VWA1: variants seen among roughly 807,000 people sequenced by gnomAD.
The protein encoded by VWA1 is von Willebrand factor A domain-containing protein 1.
Under a neutral mutation model 14.9 loss-of-function variants are expected in VWA1, and 12 were observed. The observed-to-expected ratio is 0.80, with a 90% CI of 0.52 to 1.30. VWA1 has a LOEUF of 1.30. Ranked by LOEUF, VWA1 falls within the 50% of genes most tolerant of loss-of-function variation. VWA1 has a pLI of 0.00. For missense variants in VWA1, 800 were observed against 649.1 expected, an observed-to-expected ratio of 1.23 and a Z score of -2.53; for synonymous variants, 368 against 310.7, an observed-to-expected ratio of 1.18 and a Z score of -1.94.
intron 2 of VWA1, 51 bp from the exon 3 acceptor site, chr1:1,439,030 C>A: frequency 6.4e-7 from 1 of 1,554,046 alleles, no homozygotes; most frequent in South Asian, 1.2e-5. Context: ...CGCCCTCCAG[C>A]AGCGGAGGAG....
Position 1,439,354 on chromosome 1 carries a change from G to A in VWA1, c.905G>A (p.Arg302Gln), listed in dbSNP as rs772827125. Residue 302 changes from arginine (R) to glutamine (Q), a missense_variant, in exon 3 of 3, where the codon CGG becomes CAG. Physicochemically the swap from Arg to Gln is conservative, Grantham distance 43. Transcript: ENST00000476993. ...LRPQILRVRT[R>Q]PGEAGPGASG... is the part of the protein sequence containing the mutation. ...CCCCAGATCCTGCGGGTGCGCACGCGGCCCGGTGAGGCAGGGCCGGGGGCT... is the reference window on the plus strand; with the variant it reads ...CCCCAGATCCTGCGGGTGCGCACGCAGCCCGGTGAGGCAGGGCCGGGGGCT... The A allele has an allele frequency of 1.8e-5, 28 of 1,546,232 alleles. No individual in the cohort carries two copies. In the East Asian group the frequency reaches 5.5e-4, roughly 31 times the overall value.
Position 1,439,301 on chromosome 1 carries a change from G to T in VWA1, c.852G>T (p.Val284=), listed in dbSNP as rs761239431. ...ACACGGACTACGACGTGGCGCTAGT[G>T]CCTGAGTCCAACGTGCGCCTCCTGA... ...DPDTDYDVAL[V]PESNVRLLRP... is the part of the protein sequence containing the mutation. The change falls in exon 3 of 3, where the codon GTG becomes GTT. Residue 284 remains valine, a synonymous_variant. Transcript: ENST00000476993. 6.3e-7 allele frequency: 1 copy of T among 1,597,406 alleles called. No homozygotes were observed. The highest frequency in any genetic ancestry group is 1.1e-5 in the South Asian group (1 of 89,452).
In VWA1 at chr1:1,439,279, C is replaced by T. The variant is rs1188764657; in HGVS notation, c.830C>T (p.Thr277Met). 1.2e-5 allele frequency: 20 copies of T among 1,603,680 alleles called. No homozygotes were observed. The highest frequency in any genetic ancestry group is 1.6e-5 in the Non-Finnish European group (19 of 1,177,682). The change falls in exon 3 of 3, where the codon ACG becomes ATG. Residue 277 changes from threonine to methionine, a missense_variant. By Grantham distance (81) the Thr-to-Met change is moderately conservative. Coordinates refer to ENST00000476993, the MANE Select transcript of VWA1 (RefSeq NM_022834.5). ...ATCTGGGCCGGCCTCGACCCGGACA[C>T]GGACTACGACGTGGCGCTAGTGCCT... Reference protein sequence around the residue: ...DWIWAGLDPDTDYDVALVPES... With the variant: ...DWIWAGLDPDMDYDVALVPES...
chr1:1,439,295 G>C lies in VWA1; in HGVS notation c.846G>C (p.Ala282=). The change falls in exon 3 of 3, where the codon GCG becomes GCC. Residue 282 remains alanine, a synonymous_variant. Coordinates refer to ENST00000476993, the MANE Select transcript of VWA1 (RefSeq NM_022834.5). ...GLDPDTDYDV[A]LVPESNVRLL... is the part of the protein sequence containing the mutation. ...ACCCGGACACGGACTACGACGTGGCGCTAGTGCCTGAGTCCAACGTGCGCC... is the reference window on the plus strand; with the variant it reads ...ACCCGGACACGGACTACGACGTGGCCCTAGTGCCTGAGTCCAACGTGCGCC... The C allele has an allele frequency of 1.9e-6, 3 of 1,598,524 alleles. No homozygotes were observed. The highest frequency in any genetic ancestry group is 2.6e-6 in the Non-Finnish European group (3 of 1,176,134).
Position 1,441,463 on chromosome 1 carries a change from G to C in VWA1, c.*1676G>C, listed in dbSNP as rs1237901632. The C allele has an allele frequency of 6.5e-6, 1 of 152,800 alleles. No individual in the cohort carries two copies. Among genetic ancestry groups the C allele is most frequent in the Non-Finnish European group, 1.5e-5 (1 of 68,568 alleles). 9.5% of individuals were successfully genotyped at this position (152,800 alleles called of 1,614,324 possible). Reference sequence around the variant, plus strand: ...GGGGGGCCCTGCTGGCTGGACTTTGGGTTTCTCCTGAGCTCCCCTTAGCCC... The same window carrying C: ...GGGGGGCCCTGCTGGCTGGACTTTGCGTTTCTCCTGAGCTCCCCTTAGCCC... On this transcript the variant is annotated 3_prime_UTR_variant, in exon 3 of 3. Transcript: ENST00000476993.
At position 1,440,032 on chromosome 1, in the gene VWA1, C is replaced by T. The variant is rs528168094; in HGVS notation, c.*245C>T. The stretch of plus-strand genomic sequence containing the variant: ...CCCCGGCCCCATCCCCGCCCAGAGC[C>T]GGGCGTCGTGTGGGTCCGTGGGTGA... On this transcript the variant is annotated 3_prime_UTR_variant, in exon 3 of 3. Transcript: ENST00000476993. The T allele has an allele frequency of 4.9e-4, 126 of 259,688 alleles. 2 individuals are homozygous for T. The South Asian group carries it at 0.019, about 40-fold the overall frequency. 16.1% of individuals were successfully genotyped at this position (259,688 alleles called of 1,614,324 possible). A position where few individuals can be genotyped will look rare whatever the true frequency, so the allele number is the denominator to read the frequency against.
intron 1 of VWA1, 100 bp from the exon 2 acceptor site, chr1:1,436,827 C>T (rs1159633348): frequency 1.6e-6 from 2 of 1,243,694 alleles, no homozygotes; most frequent in East Asian, 2.4e-5. Context: ...AGAAGGCAAG[C>T]ATCCACTTAA....
chr1:1,439,663 C>A lies in VWA1; in HGVS notation c.1214C>A (p.Ala405Asp). The A allele has an allele frequency of 7.6e-7, 1 of 1,317,180 alleles. No individual in the cohort carries two copies. The highest frequency in any genetic ancestry group is 9.8e-7 in the Non-Finnish European group (1 of 1,025,228). The allele number at this position is 1,317,180 out of a possible 1,614,324, so 81.6% of individuals were successfully genotyped here. A position where few individuals can be genotyped will look rare whatever the true frequency, so the allele number is the denominator to read the frequency against. Residue 405 changes from alanine to aspartate, a missense_variant, in exon 3 of 3, where the codon GCC becomes GAC. By Grantham distance (126) the Ala-to-Asp change is moderately radical. Coordinates refer to ENST00000476993, the MANE Select transcript of VWA1 (RefSeq NM_022834.5). ...PGTAYLVTVT[A>D]AFRSGRESAL... ...ACCGCCTACCTGGTGACCGTGACCG[C>A]CGCCTTCCGCTCGGGCCGCGAGAGC... is the stretch of plus-strand genomic sequence containing the variant.
At position 1,439,624 on chromosome 1, in the gene VWA1, G is replaced by A; in HGVS notation, c.1175G>A (p.Gly392Asp). The change falls in exon 3 of 3, where the codon GGC (glycine) becomes GAC (aspartate). Residue 392 changes from glycine to aspartate, a missense_variant. Physicochemically the swap from Gly to Asp is moderately conservative, Grantham distance 94. Coordinates refer to ENST00000476993, the MANE Select transcript of VWA1 (RefSeq NM_022834.5). The stretch of plus-strand genomic sequence containing the variant: ...GGCCGCAACTGCACCACGCTGCAGG[G>A]CCTGGCGCCGGGCACCGCCTACCTG... Reference protein sequence around the residue: ...PAGRNCTTLQGLAPGTAYLVT... With the variant: ...PAGRNCTTLQDLAPGTAYLVT... 1 of 1,312,970 alleles carries A rather than the reference G, an allele frequency of 7.6e-7. No homozygotes were observed. Among genetic ancestry groups the A allele is most frequent in the South Asian group, 1.6e-5 (1 of 63,580 alleles). The allele number at this position is 1,312,970 out of a possible 1,614,324, so 81.3% of individuals were successfully genotyped here. A position where few individuals can be genotyped will look rare whatever the true frequency, so the allele number is the denominator to read the frequency against.
Position 1,440,573 on chromosome 1 carries a change from G to C in VWA1, c.*786G>C, listed in dbSNP as rs919111768. The C allele has an allele frequency of 1.2e-5, 2 of 166,844 alleles. No individual in the cohort carries two copies. Among genetic ancestry groups the C allele is most frequent in the Non-Finnish European group, 2.9e-5 (2 of 68,132 alleles). 10.3% of individuals were successfully genotyped at this position (166,844 alleles called of 1,614,324 possible). A position where few individuals can be genotyped will look rare whatever the true frequency, so the allele number is the denominator to read the frequency against. ...AGCAACCACACCATCTTCTTGCTGT[G>C]AGAGGTCTCACCCCGGGCTACCTCC... On this transcript the variant is annotated 3_prime_UTR_variant, in exon 3 of 3. Transcript: ENST00000476993.
Position 1,439,720 on chromosome 1 carries a change from GCCCGCGCCCGCGCCCACGC to G in VWA1, c.1276_1294del (p.Arg426CysfsTer107). The G allele has an allele frequency of 5.3e-6, 6 of 1,131,766 alleles. No individual in the cohort carries two copies. Among genetic ancestry groups the G allele is most frequent in the Non-Finnish European group, 6.5e-6 (6 of 923,080 alleles). 70.1% of individuals were successfully genotyped at this position (1,131,766 alleles called of 1,614,324 possible). A position where few individuals can be genotyped will look rare whatever the true frequency, so the allele number is the denominator to read the frequency against. On this transcript the variant is annotated frameshift_variant, in exon 3 of 3. Transcript: ENST00000476993. LOFTEE classifies it low-confidence loss of function (END_TRUNC). ...TCCGCCAAGGCCTGCACGCCCGACG[GCCCGCGCCCGCGCCCACGC>G]CCCGTGCCCCGCGCCCCGACCCCGG...
At position 1,439,963 on chromosome 1, in the gene VWA1, T is replaced by A. The variant is rs1036282166; in HGVS notation, c.*176T>A. On this transcript the variant is annotated 3_prime_UTR_variant, in exon 3 of 3. Transcript: ENST00000476993. ...CCGCAGGGCTTCCCCGCCTGGCGCC[T>A]GCCCTCCAGGGCTGGGGCCTCGCCT... 8.0e-6 allele frequency: 6 copies of A among 746,150 alleles called. No homozygotes were observed. Among genetic ancestry groups the A allele is most frequent in the Non-Finnish European group, 1.0e-5 (6 of 599,514 alleles). 46.2% of individuals were successfully genotyped at this position (746,150 alleles called of 1,614,324 possible).
Position 1,439,210 on chromosome 1 carries a change from G to A in VWA1, c.761G>A (p.Gly254Glu), listed in dbSNP as rs773888014. ...VLELVPSAQP[G>E]AARRQQLPGN... Reference sequence around the variant, plus strand: ...GAGCTGGTGCCCAGCGCCCAGCCGGGGGCTGCAAGACGCCAGCAGCTGCCA... The same window carrying A: ...GAGCTGGTGCCCAGCGCCCAGCCGGAGGCTGCAAGACGCCAGCAGCTGCCA... The change falls in exon 3 of 3, where the codon GGG becomes GAG. Residue 254 changes from glycine to glutamate, a missense_variant. Transcript: ENST00000476993. 11 of 1,606,920 alleles carry A rather than the reference G, an allele frequency of 6.8e-6. No homozygotes were observed. In the African/African-American group the frequency reaches 1.5e-4, roughly 21 times the overall value.
chr1:1,439,899 C>G lies in VWA1; in HGVS notation c.*112C>G. ...AGACGGGTGCAGGCCCGGCCTTTCC[C>G]CACGCGGACTCCGCGCGACCCCGGC... On this transcript the variant is annotated 3_prime_UTR_variant, in exon 3 of 3. Transcript: ENST00000476993. 2.0e-6 allele frequency: 2 copies of G among 1,018,480 alleles called. No homozygotes were observed. The highest frequency in any genetic ancestry group is 2.4e-6 in the Non-Finnish European group (2 of 849,354). The allele number at this position is 1,018,480 out of a possible 1,614,324, so 63.1% of individuals were successfully genotyped here.
rs746212067 is a variant in VWA1 at position 1,439,326 on chromosome 1, AG to A, written c.879del (p.Arg293SerfsTer58). On this transcript the variant is annotated frameshift_variant, in exon 3 of 3. Transcript: ENST00000476993. LOFTEE classifies it low-confidence loss of function (END_TRUNC). ...GCCTGAGTCCAACGTGCGCCTCCTG[AG>A]GCCCCAGATCCTGCGGGTGCGCACG... ...LVPESNVRLLRPQILRVRTRP... is the reference protein window; with the variant it reads ...LVPESNVRLLXPQILRVRTRP... The A allele has an allele frequency of 2.4e-5, 38 of 1,583,772 alleles. No individual in the cohort carries two copies. Among genetic ancestry groups the A allele is most frequent in the Non-Finnish European group, 3.2e-5 (37 of 1,170,998 alleles).
At chr1:1,438,930 C>A in intron 2 of VWA1, 151 bp from the exon 3 acceptor site, 1 of 1,287,738 alleles carries the variant, frequency 7.8e-7, no homozygotes, top group Non-Finnish European at 1.0e-6. Flanking sequence ...CCAGCATCTG[C>A]GGGGCATGGC....
intron 1 of VWA1, 133 bp from the exon 2 acceptor site, chr1:1,436,794 T>G: frequency 1.1e-6 from 1 of 909,052 alleles, no homozygotes; most frequent in South Asian, 1.8e-5. Flanking sequence ...AGTTCCTCTT[T>G]CCCCCAACCT....
Position 1,439,644 on chromosome 1 carries a change from T to C in VWA1, c.1195T>C (p.Tyr399His). The C allele has an allele frequency of 1.5e-6, 2 of 1,326,050 alleles. No individual in the cohort carries two copies. Among genetic ancestry groups the C allele is most frequent in the Non-Finnish European group, 1.9e-6 (2 of 1,031,560 alleles). The allele number at this position is 1,326,050 out of a possible 1,614,324, so 82.1% of individuals were successfully genotyped here. ...TLQGLAPGTA[Y>H]LVTVTAAFRS... ...GCAGGGCCTGGCGCCGGGCACCGCC[T>C]ACCTGGTGACCGTGACCGCCGCCTT... The change falls in exon 3 of 3, where the codon TAC (tyrosine) becomes CAC (histidine). Residue 399 changes from tyrosine to histidine, a missense_variant. Tyr to His is a moderately conservative substitution (Grantham distance 83, BLOSUM62 2). Coordinates refer to ENST00000476993, the MANE Select transcript of VWA1 (RefSeq NM_022834.5).
In VWA1 at chr1:1,437,096, G is replaced by A. The variant is rs765764371; in HGVS notation, c.243G>A (p.Arg81=). 3.2e-5 allele frequency: 52 copies of A among 1,605,632 alleles called. No individual in the cohort carries two copies. Among genetic ancestry groups the A allele is most frequent in the Non-Finnish European group, 4.2e-5 (49 of 1,175,072 alleles). Residue 81 remains arginine, a synonymous_variant, in exon 2 of 3, where the codon CGG becomes CGA. Coordinates refer to ENST00000476993, the MANE Select transcript of VWA1 (RefSeq NM_022834.5). ...CCAGTCTGGTGCACGTGGGCAGTCG[G>A]CCATACACCGAGTTCCCCTTCGGCC... ...LRASLVHVGS[R]PYTEFPFGQH...
Sources: gnomAD v4.1 joint callset for allele counts on GRCh38, gnomAD v4.1.1 for gene constraint, MANE v1.5 for transcripts, NCBI Gene and HGNC (gene_info 2026-07-23, HGNC 2026-07-21) for gene names.